The following TSC2 variants were observed in gnomAD, a reference collection of about 807,000 sequenced individuals.
TSC2 encodes the protein TSC complex subunit 2.
A neutral mutation model predicts 202.2 loss-of-function variants in TSC2; 29 were observed. The observed-to-expected ratio is 0.14, with a 90% CI of 0.11 to 0.20. The LOEUF (loss-of-function observed/expected upper bound fraction) is 0.20. TSC2 is among the 10% of genes least tolerant of loss of function. The pLI, the probability that TSC2 is intolerant of heterozygous loss-of-function variation, is 1.00. For synonymous variants in TSC2, 1,349 were observed against 1,044.0 expected (o/e 1.29, Z -5.63); for missense variants, 2,429 against 2,420.0 (o/e 1.00, Z -0.08).
At chr16:2,050,828 C>T (rs921368825) in intron 3 of TSC2, among the ~76,000 whole-genome samples, 2 of 151,626 alleles carry the variant, frequency 1.3e-5, no homozygotes, top group Non-Finnish European at 2.9e-5. Flanking sequence ...ACCTCGTGAA[C>T]CATATGCCTC....
Position 2,085,350 on chromosome 16 carries a change from C to T in TSC2, c.4662+28C>T, listed in dbSNP as rs757524278. On this transcript the variant is annotated intron_variant, in intron 36 of 41. Transcript: ENST00000219476. ...GAGGCTGCGGGGCCGGCCTAGGTGC[C>T]TGGACAGGGCCAGCTGGGCCTCAGC... 1.4e-5 allele frequency: 22 copies of T among 1,611,138 alleles called. No homozygotes were observed. In the African/African-American group the frequency reaches 2.3e-4, roughly 17 times the overall value.
At chr16:2,062,803 CTT>C (rs1295215308) in intron 13 of TSC2, 167 bp from the exon 14 acceptor site, 2 of 932,628 alleles carry the variant, frequency 2.1e-6, no homozygotes, top group Non-Finnish European at 3.3e-6. Flanking sequence ...TGGGCTCCCT[CTT>C]TTCGGGGGTC....
At chr16:2,063,903 C>G (rs1219621925) in intron 14 of TSC2, 4 of 391,224 alleles carry the variant, frequency 1.0e-5, no homozygotes, top group Non-Finnish European at 4.9e-6. Flanking sequence ...CACATGCCCA[C>G]GCGTGCACAC....
At position 2,057,346 on chromosome 16, in the gene TSC2, C is replaced by T. The variant is rs2085997508; in HGVS notation, c.848+168C>T. On this transcript the variant is annotated intron_variant, in intron 9 of 41. Transcript: ENST00000219476. ...GCCCATGACTTCTAGGATCCAGCCC[C>T]TGTCCTCTCCTTCCTCTGTCAGTTC... Among the ~76,000 whole-genome samples the T allele has an allele frequency of 2.0e-5, 3 of 152,176 alleles. No homozygotes were observed. The South Asian group carries it at 6.2e-4, about 32-fold the overall frequency.
chr16:2,078,282 T>G, intron 26 of TSC2: 1 of 165,398 alleles, frequency 6.0e-6, no homozygotes, highest in Admixed American at 5.7e-5. Flanking sequence ...TCTCGGGCTC[T>G]CGGCTGTCAC....
In TSC2 at chr16:2,074,525, G is replaced by A. The variant is rs565853064; in HGVS notation, c.2545+136G>A. On this transcript the variant is annotated intron_variant, in intron 22 of 41. Coordinates refer to ENST00000219476, the MANE Select transcript of TSC2 (RefSeq NM_000548.5). ...CCTTCTGCTGCCTCAGGGCCTGGGCGTCTCTGCCCGGCTGCCATGAGTGCT... is the reference window on the plus strand; with the variant it reads ...CCTTCTGCTGCCTCAGGGCCTGGGCATCTCTGCCCGGCTGCCATGAGTGCT... The A allele has an allele frequency of 4.3e-5, 48 of 1,116,380 alleles. No homozygotes were observed. The East Asian group carries it at 5.7e-4, about 13-fold the overall frequency. The allele number at this position is 1,116,380 out of a possible 1,614,324, so 69.2% of individuals were successfully genotyped here. A position where few individuals can be genotyped will look rare whatever the true frequency, so the allele number is the denominator to read the frequency against.
chr16:2,053,534 C>G (rs1393967999), intron 4 of TSC2, 82 bp downstream of exon 4: 2 of 1,378,382 alleles, frequency 1.5e-6, no homozygotes, highest in African/African-American at 1.4e-5. Flanking sequence ...TGTTTGGACT[C>G]CTGCCTCGGT....
In TSC2 at chr16:2,074,295, C is replaced by G. The variant is rs201442542; in HGVS notation, c.2451C>G (p.Asp817Glu). The G allele has an allele frequency of 5.0e-6, 8 of 1,613,236 alleles. No individual in the cohort carries two copies. Among genetic ancestry groups the G allele is most frequent in the Non-Finnish European group, 6.8e-6 (8 of 1,180,038 alleles). Residue 817 changes from aspartate to glutamate, a missense_variant, in exon 22 of 42, where the codon GAC becomes GAG. Physicochemically the swap from Asp to Glu is conservative, Grantham distance 45 (BLOSUM62 2). Transcript: ENST00000219476. ...ALSICSVEMPDIIIKALPVLV... is the reference protein window; with the variant it reads ...ALSICSVEMPEIIIKALPVLV... The stretch of plus-strand genomic sequence containing the variant: ...CCATCTGCAGCGTGGAGATGCCTGA[C>G]ATCATCATCAAGGCGCTGCCTGTTC...
intron 33 of TSC2, 31 bp downstream of exon 33, chr16:2,083,847 G>T: frequency 1.3e-6 from 2 of 1,598,694 alleles, no homozygotes; most frequent in South Asian, 2.2e-5. Flanking sequence ...GGACCCTGCT[G>T]ACCTCGGGGG....
Position 2,082,415 on chromosome 16 carries a change from G to A in TSC2, c.3815-21G>A, listed in dbSNP as rs778201014. 63 of 1,612,006 alleles carry A rather than the reference G, an allele frequency of 3.9e-5. No individual in the cohort carries two copies. The Admixed American group carries it at 6.7e-4, about 17-fold the overall frequency. Reference sequence around the variant, plus strand: ...AGCCCCTCCTCCTGCTGACGTGGCCGCACACGGCCTTCCCTTGCAGTGGCC... The same window carrying A: ...AGCCCCTCCTCCTGCTGACGTGGCCACACACGGCCTTCCCTTGCAGTGGCC... On this transcript the variant is annotated intron_variant, in intron 31 of 41. Coordinates refer to ENST00000219476, the MANE Select transcript of TSC2 (RefSeq NM_000548.5).
At chr16:2,049,017 A>G (rs748895339) in intron 2 of TSC2, among the ~76,000 whole-genome samples, 8 of 152,236 alleles carry the variant, frequency 5.3e-5, no homozygotes, top group Non-Finnish European at 7.3e-5. Context: ...GAGTATCATC[A>G]TCTTCACAGG....
intron 12 of TSC2, among the ~76,000 whole-genome samples, chr16:2,062,260 G>T (rs2086734799): frequency 6.6e-6 from 1 of 152,242 alleles, no homozygotes; most frequent in Non-Finnish European, 1.5e-5. Context: ...GAGTCCTGTG[G>T]CTCCCAGGCG....
chr16:2,053,527 T>A, intron 4 of TSC2, 75 bp downstream of exon 4: 1 of 1,420,842 alleles, frequency 7.0e-7, no homozygotes, highest in Non-Finnish European at 9.6e-7. Context: ...TGGGCCGTGT[T>A]TGGACTCCTG....
At chr16:2,050,253 C>T (rs948218153) in intron 2 of TSC2, 147 bp from the exon 3 acceptor site, 7 of 827,018 alleles carry the variant, frequency 8.5e-6, no homozygotes, top group African/African-American at 1.7e-5. Flanking sequence ...CACCGCGGCT[C>T]GTCAAGTGAA....
At position 2,085,285 on chromosome 16, in the gene TSC2, C is replaced by G. The variant is rs2090628070; in HGVS notation, c.4625C>G (p.Thr1542Ser). The G allele has an allele frequency of 6.2e-7, 1 of 1,612,756 alleles. No individual in the cohort carries two copies. Among genetic ancestry groups the G allele is most frequent in the Non-Finnish European group, 8.5e-7 (1 of 1,179,944 alleles). Residue 1542 changes from threonine (T) to serine (S), a missense_variant, in exon 36 of 42, where the codon ACC becomes AGC. Coordinates refer to ENST00000219476, the MANE Select transcript of TSC2 (RefSeq NM_000548.5). The stretch of plus-strand genomic sequence containing the variant: ...CTCGACCAGATCCCATCATACGACA[C>G]CCACAAGATCGCCGTCCTGTATGTT... ...QLLDQIPSYD[T>S]HKIAVLYVGE...
rs1012778884 is a variant in TSC2 at position 2,065,769 on chromosome 16, C to T, written c.1716+134C>T. On this transcript the variant is annotated intron_variant, in intron 16 of 41. Transcript: ENST00000219476. ...CTGGATTTGCTGAGGGTGCGGTGGTCTCAGCAGGCAGCAGAACCTTCCTCC... is the reference window on the plus strand; with the variant it reads ...CTGGATTTGCTGAGGGTGCGGTGGTTTCAGCAGGCAGCAGAACCTTCCTCC... 69 of 795,980 alleles carry T rather than the reference C, an allele frequency of 8.7e-5. 1 individual carries two copies. The highest frequency in any genetic ancestry group is 1.4e-4 in the Non-Finnish European group (64 of 464,822). 49.3% of individuals were successfully genotyped at this position (795,980 alleles called of 1,614,324 possible). A position where few individuals can be genotyped will look rare whatever the true frequency, so the allele number is the denominator to read the frequency against.
rs2151298410 is a variant in TSC2, at chr16:2,071,587, G to A, written c.1917G>A (p.Arg639=). ...LGLPNKDGVV[R]FSPYCVCDYM... ...TGCCCAACAAGGATGGAGTCGTGCG[G>A]TTCAGCCCCTACTGCGTCTGCGACT... is the stretch of plus-strand genomic sequence containing the variant. The change falls in exon 18 of 42, where the codon CGG becomes CGA. Residue 639 remains arginine, a synonymous_variant. Coordinates refer to ENST00000219476, the MANE Select transcript of TSC2 (RefSeq NM_000548.5). The A allele has an allele frequency of 8.1e-6, 13 of 1,613,496 alleles. No individual in the cohort carries two copies. Among genetic ancestry groups the A allele is most frequent in the Non-Finnish European group, 1.1e-5 (13 of 1,180,040 alleles).
At chr16:2,076,195 G>T (rs375463112) in intron 24 of TSC2, 25 bp downstream of exon 24, 28 of 1,612,990 alleles carry the variant, frequency 1.7e-5, no homozygotes, top group African/African-American at 4.0e-5. Context: ...GGTGAAGGCT[G>T]TGTCTCTCGG....
intron 2 of TSC2, among the ~76,000 whole-genome samples, 168 bp from the exon 3 acceptor site, chr16:2,050,232 C>T (rs892616004): frequency 2.6e-5 from 4 of 152,172 alleles, no homozygotes; most frequent in South Asian, 4.1e-4. Flanking sequence ...GCAGGGATTA[C>T]AGGCCTGAGC....
Sources: allele counts gnomAD v4.1 joint callset (sites outside exome capture counted in the v4.1 genomes callset), GRCh38; gene constraint gnomAD v4.1.1; transcripts MANE v1.5; gene names NCBI Gene and HGNC (gene_info 2026-07-23, HGNC 2026-07-21).